The following NXN variants were observed in gnomAD, a reference collection of about 807,000 sequenced individuals.
NXN encodes nucleoredoxin 1.
A neutral mutation model predicts 48.6 loss-of-function variants in NXN; 16 were observed. That is an observed-to-expected ratio of 0.33 (90% CI 0.22 to 0.50). NXN has a LOEUF of 0.50. Ranked by LOEUF, NXN falls within the 20% of genes least tolerant of loss-of-function variation. The pLI is 0.98. For missense variants in NXN, 492 were observed against 605.5 expected (o/e 0.81, Z 1.97); for synonymous variants, 281 against 269.6 (o/e 1.04, Z -0.41).
At chr17:928,969 G>A (rs1327986981) in intron 1 of NXN, among the ~76,000 whole-genome samples, 1 of 152,234 alleles carries the variant, frequency 6.6e-6, no homozygotes, top group Non-Finnish European at 1.5e-5. Context: ...ATAACTTTTA[G>A]GAACTGTTTG....
intron 1 of NXN, among the ~76,000 whole-genome samples, chr17:895,204 ACG>A (rs1269917729): frequency 1.3e-5 from 2 of 150,324 alleles, no homozygotes; most frequent in African/African-American, 4.9e-5. Context: ...TTTAGTAGAG[ACG>A]GGGCTTCACC....
rs532102909 is a variant in NXN at position 851,903 on chromosome 17, T to G, written c.361-25825A>C. On this transcript the variant is annotated intron_variant, in intron 1 of 7. Coordinates refer to ENST00000336868, the MANE Select transcript of NXN (RefSeq NM_022463.5). ...TCGGCTTTCTCTATGGAAGGGAGATTAGCAAGTTTTCCAGTGGTTTAAAGA... is the reference window on the plus strand; with the variant it reads ...TCGGCTTTCTCTATGGAAGGGAGATGAGCAAGTTTTCCAGTGGTTTAAAGA... Among the ~76,000 whole-genome samples, 19 of 152,298 alleles carry G rather than the reference T, an allele frequency of 1.2e-4. No individual in the cohort carries two copies. In the South Asian group the frequency reaches 2.9e-3, roughly 23 times the overall value.
intron 1 of NXN, among the ~76,000 whole-genome samples, chr17:976,994 G>C (rs1421402720): frequency 1.3e-5 from 2 of 152,094 alleles, no homozygotes. Flanking sequence ...TGGAACTCCC[G>C]ACCTCAGGTG....
intron 1 of NXN, among the ~76,000 whole-genome samples, chr17:892,882 G>A (rs1225784993): frequency 6.6e-6 from 1 of 152,224 alleles, no homozygotes; most frequent in Non-Finnish European, 1.5e-5. Context: ...GTGAACTTCA[G>A]ATAGTAACAA....
intron 1 of NXN, among the ~76,000 whole-genome samples, chr17:856,487 C>CTTT (rs35579004): frequency 1.2e-4 from 14 of 121,080 alleles, no homozygotes; most frequent in African/African-American, 1.9e-4. Context: ...AAGTACTTGT[C>CTTT]TTTTTTTTTT....
intron 1 of NXN, among the ~76,000 whole-genome samples, chr17:965,297 TTC>T (rs1419793544): frequency 2.0e-5 from 3 of 152,130 alleles, no homozygotes; most frequent in African/African-American, 7.2e-5. Flanking sequence ...AAGTGGGAGA[TTC>T]TCCAGATGGC....
chr17:851,446 C>T (rs2067922754), intron 1 of NXN, among the ~76,000 whole-genome samples: 1 of 152,238 alleles, frequency 6.6e-6, no homozygotes, highest in Admixed American at 6.5e-5. Flanking sequence ...GTCACTGTGT[C>T]CGCCGGCCAC....
intron 1 of NXN, among the ~76,000 whole-genome samples, chr17:915,532 G>A (rs1243274452): frequency 4.7e-4 from 72 of 151,840 alleles, no homozygotes; most frequent in Admixed American, 3.3e-4. Context: ...CAATCAACCT[G>A]CCTCAGCCTC....
chr17:943,235 T>C (rs2069000202), intron 1 of NXN, among the ~76,000 whole-genome samples: 1 of 152,206 alleles, frequency 6.6e-6, no homozygotes, highest in African/African-American at 2.4e-5. Flanking sequence ...ATCTGTCAAC[T>C]GAGGTGCTTG....
intron 1 of NXN, among the ~76,000 whole-genome samples, chr17:876,254 A>AAAG (rs576043866): frequency 6.7e-6 from 1 of 148,186 alleles, no homozygotes; most frequent in East Asian, 1.9e-4. Flanking sequence ...GAAGAGAAGA[A>AAAG]AAGAAAAGAA....
At chr17:953,972 T>G (rs958022635) in intron 1 of NXN, among the ~76,000 whole-genome samples, 1 of 152,124 alleles carries the variant, frequency 6.6e-6, no homozygotes, top group Non-Finnish European at 1.5e-5. Context: ...GTGCTGCGGC[T>G]CCTCTCTGTC....
At chr17:805,922 C>T (rs1837385375) in intron 5 of NXN, among the ~76,000 whole-genome samples, 1 of 152,144 alleles carries the variant, frequency 6.6e-6, no homozygotes, top group South Asian at 2.1e-4. Context: ...CCCAAAGACA[C>T]AGAAGACCTT....
chr17:856,776 G>A (rs752015906), intron 1 of NXN, among the ~76,000 whole-genome samples: 1 of 152,032 alleles, frequency 6.6e-6, no homozygotes, highest in Non-Finnish European at 1.5e-5. Flanking sequence ...CGCCGGCCAC[G>A]CCCAGCCTAC....
At chr17:944,901 C>A (rs940318070) in intron 1 of NXN, among the ~76,000 whole-genome samples, 1 of 151,950 alleles carries the variant, frequency 6.6e-6, no homozygotes, top group East Asian at 1.9e-4. Flanking sequence ...AATAACAAAC[C>A]GTGGAACACC....
chr17:841,749 T>C (rs1914334958), intron 1 of NXN, among the ~76,000 whole-genome samples: 1 of 151,220 alleles, frequency 6.6e-6, no homozygotes, highest in African/African-American at 2.5e-5. Context: ...CCCAGGAGTG[T>C]CCACTTCCAG....
intron 1 of NXN, among the ~76,000 whole-genome samples, chr17:972,162 T>C (rs929523191): frequency 2.0e-5 from 3 of 152,040 alleles, no homozygotes; most frequent in Non-Finnish European, 4.4e-5. Context: ...TAGCCGGGCG[T>C]GGTGGCACAT....
rs370120888 is a variant in NXN at position 875,663 on chromosome 17, C to G, written c.361-49585G>C. ...CTGGAGTACGGTGGTGCAATCATAG[C>G]TCACTGCAGCCTCCAACTCCCTGGG... is the stretch of plus-strand genomic sequence containing the variant. On this transcript the variant is annotated intron_variant, in intron 1 of 7. Transcript: ENST00000336868. 4.0e-5 allele frequency among the ~76,000 whole-genome samples: 6 copies of G among 151,894 alleles called. No homozygotes were observed. In the East Asian group the frequency reaches 7.8e-4, roughly 20 times the overall value.
chr17:846,563 G>T (rs2067864394), intron 1 of NXN, among the ~76,000 whole-genome samples: 1 of 152,168 alleles, frequency 6.6e-6, no homozygotes, highest in Admixed American at 6.5e-5. Flanking sequence ...TGAACAAAGG[G>T]GCACAAAAGC....
chr17:865,181 G>A (rs998912861), intron 1 of NXN, among the ~76,000 whole-genome samples: 4 of 152,114 alleles, frequency 2.6e-5, no homozygotes, highest in Non-Finnish European at 5.9e-5. Flanking sequence ...CTCTGTATTA[G>A]GTAGCAATGT....
Sources: gnomAD v4.1 joint callset for allele counts (sites outside exome capture counted in the v4.1 genomes callset) on GRCh38, gnomAD v4.1.1 for gene constraint, MANE v1.5 for transcripts, NCBI Gene and HGNC (gene_info 2026-07-23, HGNC 2026-07-21) for gene names.